Variants in EGFLAM observed in about 807,000 individuals in gnomAD.
The protein encoded by EGFLAM is EGF like, fibronectin type III and laminin G domains.
A neutral mutation model predicts 113.1 loss-of-function variants in EGFLAM; 79 were observed. The ratio of observed to expected loss-of-function variants is 0.70; its 90% CI spans 0.58 to 0.84. The LOEUF (loss-of-function observed/expected upper bound fraction) is 0.84. EGFLAM is among the 40% of genes least tolerant of loss of function. The pLI is 0.00. For missense variants in EGFLAM, 1,265 were observed against 1,291.6 expected (o/e 0.98, Z 0.32); for synonymous variants, 504 against 487.6 (o/e 1.03, Z -0.44).
rs539315335 is a variant in EGFLAM, at chr5:38,370,992, C to A, written c.712+530C>A. ...TCATAGTGCCTAGGAACACTTGGGC[C>A]AGTGTTCATCAAATCACCTGGGGGT... On this transcript the variant is annotated intron_variant, in intron 6 of 21. Transcript: ENST00000322350. Among the ~76,000 whole-genome samples the A allele has an allele frequency of 9.9e-5, 15 of 152,248 alleles. No individual in the cohort carries two copies. In the East Asian group the frequency reaches 2.5e-3, roughly 26 times the overall value.
At chr5:38,330,057 G>A (rs778251846) in intron 1 of EGFLAM, among the ~76,000 whole-genome samples, 1 of 152,146 alleles carries the variant, frequency 6.6e-6, no homozygotes, top group African/African-American at 2.4e-5. Context: ...TACAATTCAC[G>A]CTTTTTATGG....
At chr5:38,388,202 A>G (rs930287138) in intron 6 of EGFLAM, among the ~76,000 whole-genome samples, 1 of 152,258 alleles carries the variant, frequency 6.6e-6, no homozygotes, top group African/African-American at 2.4e-5. Context: ...CAGAAATTAA[A>G]TAGAGATAGC....
intron 10 of EGFLAM, among the ~76,000 whole-genome samples, chr5:38,411,222 G>A (rs1045449470): frequency 6.6e-6 from 1 of 152,118 alleles, no homozygotes; most frequent in Middle Eastern, 3.2e-3. Flanking sequence ...GAGGTCAGGA[G>A]ATCGAGACCA....
At chr5:38,407,208 A>G in intron 8 of EGFLAM, 62 bp downstream of exon 8, 5 of 1,558,776 alleles carry the variant, frequency 3.2e-6, no homozygotes, top group African/African-American at 1.4e-5. Context: ...GCCAGAGGGC[A>G]GTTTTGTGGT....
chr5:38,268,987 G>A (rs959739779), intron 1 of EGFLAM, among the ~76,000 whole-genome samples: 1 of 152,072 alleles, frequency 6.6e-6, no homozygotes, highest in Non-Finnish European at 1.5e-5. Context: ...GACCAGCCTG[G>A]GCAACATGGC....
At chr5:38,343,418 A>G (rs935578653) in intron 3 of EGFLAM, among the ~76,000 whole-genome samples, 2 of 151,914 alleles carry the variant, frequency 1.3e-5, no homozygotes, top group African/African-American at 4.8e-5. Context: ...AAAAAAAAAA[A>G]AAAAAAAATG....
chr5:38,300,785 C>T (rs996432613), intron 1 of EGFLAM, among the ~76,000 whole-genome samples: 5 of 152,044 alleles, frequency 3.3e-5, no homozygotes, highest in African/African-American at 1.2e-4. Context: ...AAGATGGTGG[C>T]TTAGTTCAGG....
chr5:38,456,051 G>C (rs1047609631), intron 19 of EGFLAM, among the ~76,000 whole-genome samples: 1 of 152,156 alleles, frequency 6.6e-6, no homozygotes, highest in African/African-American at 2.4e-5. Flanking sequence ...TCAAGCCTTG[G>C]TGGCAACTTT....
At chr5:38,305,579 T>C in intron 1 of EGFLAM, 1 of 343,018 alleles carries the variant, frequency 2.9e-6, no homozygotes, top group South Asian at 2.4e-5. Flanking sequence ...ATGACAAATA[T>C]TTACTAGATA....
chr5:38,277,514 C>T (rs781121666), intron 1 of EGFLAM, among the ~76,000 whole-genome samples: 1 of 152,088 alleles, frequency 6.6e-6, no homozygotes, highest in Non-Finnish European at 1.5e-5. Context: ...ATAAGGATGT[C>T]CATTTTCCCT....
rs1443668857 is a variant in EGFLAM at position 38,463,012 on chromosome 5, G to C, written c.2875+1G>C. On this transcript the variant is annotated splice_donor_variant, in intron 21 of 21. Coordinates refer to ENST00000322350, the MANE Select transcript of EGFLAM (RefSeq NM_152403.4). LOFTEE classifies it high-confidence loss of function. Reference sequence around the variant, plus strand: ...AACATCAATGGAGCTCTGTATGTGGGTAAGTGACCGACCCTCGACCAAAGC... The same window carrying C: ...AACATCAATGGAGCTCTGTATGTGGCTAAGTGACCGACCCTCGACCAAAGC... 1 of 1,612,508 alleles carries C rather than the reference G, an allele frequency of 6.2e-7. No individual in the cohort carries two copies. Among genetic ancestry groups the C allele is most frequent in the East Asian group, 2.2e-5 (1 of 44,846 alleles).
chr5:38,268,081 C>T (rs1025788210), intron 1 of EGFLAM, among the ~76,000 whole-genome samples: 1 of 152,136 alleles, frequency 6.6e-6, no homozygotes, highest in Non-Finnish European at 1.5e-5. Flanking sequence ...TGCCTGGCCC[C>T]ACCCGGCAAG....
In EGFLAM at chr5:38,407,013, A is replaced by G. The variant is rs1357203022; in HGVS notation, c.1014A>G (p.Ile338Met). ...GAAAGGGGAAGAATGGTGTGGCCAT[A>G]ATGTCAAGGCTCTTTGACATGCCTT... ...IQRKGKNGVA[I>M]MSRLFDMPCD... The change falls in exon 8 of 22, where the codon ATA becomes ATG. Residue 338 changes from isoleucine to methionine, a missense_variant. Coordinates refer to ENST00000322350, the MANE Select transcript of EGFLAM (RefSeq NM_152403.4). The G allele has an allele frequency of 1.9e-6, 3 of 1,614,178 alleles. No individual in the cohort carries two copies. The Admixed American group carries it at 5.0e-5, about 27-fold the overall frequency.
In EGFLAM at chr5:38,464,056, T is replaced by C; in HGVS notation, c.*70T>C. On this transcript the variant is annotated 3_prime_UTR_variant, in exon 22 of 22. Transcript: ENST00000322350. ...ATCCCAGGGGCCCTCAGACCCTGCCTGATGCTATATGCAGAGGCCCAGGGA... is the reference window on the plus strand; with the variant it reads ...ATCCCAGGGGCCCTCAGACCCTGCCCGATGCTATATGCAGAGGCCCAGGGA... The C allele has an allele frequency of 6.3e-7, 1 of 1,586,320 alleles. No homozygotes were observed. Among genetic ancestry groups the C allele is most frequent in the Non-Finnish European group, 8.6e-7 (1 of 1,160,136 alleles).
intron 5 of EGFLAM, among the ~76,000 whole-genome samples, chr5:38,357,516 G>A (rs747544008): frequency 1.3e-5 from 2 of 152,178 alleles, no homozygotes; most frequent in Non-Finnish European, 2.9e-5. Flanking sequence ...TCCCCAGAGA[G>A]GTCCATTTAA....
rs1433221631 is a variant in EGFLAM, at chr5:38,431,303, C to T, written c.2166+15C>T. The T allele has an allele frequency of 1.2e-6, 2 of 1,606,220 alleles. No individual in the cohort carries two copies. Among genetic ancestry groups the T allele is most frequent in the East Asian group, 2.2e-5 (1 of 44,798 alleles). On this transcript the variant is annotated intron_variant, in intron 15 of 21. Coordinates refer to ENST00000322350, the MANE Select transcript of EGFLAM (RefSeq NM_152403.4). ...GAATGGCAGAGGTAAGAACAGTACA[C>T]CTTTTCTCTTGATGGTTAGTGTGAG...
chr5:38,345,021 C>CTG (rs1319887374), intron 3 of EGFLAM, among the ~76,000 whole-genome samples: 1 of 152,112 alleles, frequency 6.6e-6, no homozygotes, highest in Non-Finnish European at 1.5e-5. Flanking sequence ...AGGTGACAGA[C>CTG]TGTGAATGGA....
At chr5:38,453,171 C>A (rs1742976797) in intron 19 of EGFLAM, among the ~76,000 whole-genome samples, 1 of 152,218 alleles carries the variant, frequency 6.6e-6, no homozygotes, top group Non-Finnish European at 1.5e-5. Flanking sequence ...CGTGTGGTAA[C>A]CGCTTCCCCA....
intron 5 of EGFLAM, among the ~76,000 whole-genome samples, chr5:38,369,541 A>G (rs1314061943): frequency 6.6e-6 from 1 of 152,196 alleles, no homozygotes; most frequent in Non-Finnish European, 1.5e-5. Flanking sequence ...GGCTGGAGAT[A>G]TATATCTTAT....
Sources: gnomAD v4.1 joint callset for allele counts (sites outside exome capture counted in the v4.1 genomes callset) on GRCh38, gnomAD v4.1.1 for gene constraint, MANE v1.5 for transcripts, NCBI Gene and HGNC (gene_info 2026-07-23, HGNC 2026-07-21) for gene names.